The following KCNB2 variants were observed in gnomAD, a reference collection of about 807,000 sequenced individuals.
KCNB2 encodes the protein potassium voltage-gated channel subfamily B member 2, also known as delayed rectifier potassium channel protein.
In KCNB2, 15 loss-of-function variants were observed where a neutral mutation model predicts 61.5. The ratio of observed to expected loss-of-function variants is 0.24; its 90% CI spans 0.16 to 0.38. KCNB2 has a LOEUF of 0.38. Ranked by LOEUF, KCNB2 falls within the 10% of genes least tolerant of loss-of-function variation. The probability of loss-of-function intolerance (pLI) is 1.00; values close to 1 mark genes in which losing one functional copy is unlikely to be tolerated. For synonymous variants in KCNB2, 457 were observed against 446.0 expected (o/e 1.02, Z -0.31); for missense variants, 828 against 1,125.2 (o/e 0.74, Z 3.78).
At chr8:72,603,913 A>T (rs1047303077) in intron 2 of KCNB2, among the ~76,000 whole-genome samples, 5 of 152,146 alleles carry the variant, frequency 3.3e-5, no homozygotes, top group Non-Finnish European at 7.4e-5. Context: ...GAGGAATGCC[A>T]AGTATTGTGG....
intron 2 of KCNB2, among the ~76,000 whole-genome samples, chr8:72,714,233 T>C (rs1807380660): frequency 6.6e-6 from 1 of 152,176 alleles, no homozygotes; most frequent in African/African-American, 2.4e-5. Context: ...TGGAAAACAC[T>C]CTGCAGGATA....
At chr8:72,569,232 G>A (rs989722872) in intron 2 of KCNB2, among the ~76,000 whole-genome samples, 14 of 152,184 alleles carry the variant, frequency 9.2e-5, no homozygotes, top group African/African-American at 2.2e-4. Context: ...CATTTTGTGC[G>A]TAATGGATGA....
At chr8:72,734,052 C>T (rs1005584265) in intron 2 of KCNB2, among the ~76,000 whole-genome samples, 18 of 152,204 alleles carry the variant, frequency 1.2e-4, no homozygotes, top group South Asian at 2.1e-4. Context: ...AGATTGCTTA[C>T]GGAGTATTTA....
intron 2 of KCNB2, among the ~76,000 whole-genome samples, chr8:72,645,703 G>C (rs773291226): frequency 6.6e-6 from 1 of 152,102 alleles, no homozygotes; most frequent in Non-Finnish European, 1.5e-5. Flanking sequence ...ATTATGTTCT[G>C]ATGCTTTTTT....
At position 72,794,942 on chromosome 8, in the gene KCNB2, A is replaced by G. The variant is rs7829078; in HGVS notation, c.580-140993A>G. On this transcript the variant is annotated intron_variant, in intron 2 of 2. Transcript: ENST00000523207. ...TAATAGAGAAGTAACCACTGGAAAA[A>G]AAAAGTTGTGTCTCCATTTTAGGGT... Among the ~76,000 whole-genome samples, 243 of 152,364 alleles carry G rather than the reference A, an allele frequency of 1.6e-3. 1 individual carries two copies. The highest frequency in any genetic ancestry group is 5.5e-3 in the African/African-American group (228 of 41,582).
chr8:72,840,488 C>G (rs928120885), intron 2 of KCNB2, among the ~76,000 whole-genome samples: 3 of 152,204 alleles, frequency 2.0e-5, no homozygotes, highest in Admixed American at 1.3e-4. Flanking sequence ...AGCACACTGT[C>G]TTCCACAATG....
intron 2 of KCNB2, among the ~76,000 whole-genome samples, chr8:72,733,561 A>G (rs537024060): frequency 1.5e-4 from 23 of 152,330 alleles, no homozygotes; most frequent in African/African-American, 4.1e-4. Context: ...AGCAGGGATT[A>G]TAATGACTGT....
At chr8:72,866,774 C>T (rs1337960221) in intron 2 of KCNB2, among the ~76,000 whole-genome samples, 2 of 152,166 alleles carry the variant, frequency 1.3e-5, no homozygotes, top group Non-Finnish European at 2.9e-5. Flanking sequence ...ATTCTCATCT[C>T]ATTTATTTTA....
intron 2 of KCNB2, among the ~76,000 whole-genome samples, chr8:72,754,663 A>G (rs1234068612): frequency 6.6e-6 from 1 of 152,220 alleles, no homozygotes; most frequent in African/African-American, 2.4e-5. Context: ...TCTTGCAGAA[A>G]TACTGTTAAG....
intron 2 of KCNB2, among the ~76,000 whole-genome samples, chr8:72,569,207 G>A (rs1453613380): frequency 6.6e-6 from 1 of 152,328 alleles, no homozygotes; most frequent in African/African-American, 2.4e-5. Context: ...TTTAGCTGCA[G>A]GAGTATAGTA....
intron 2 of KCNB2, among the ~76,000 whole-genome samples, chr8:72,817,297 C>G (rs1196743646): frequency 6.6e-6 from 1 of 152,100 alleles, no homozygotes; most frequent in African/African-American, 2.4e-5. Context: ...CCCTTCTCGC[C>G]GTACACCCCC....
At chr8:72,802,574 A>G (rs1046905007) in intron 2 of KCNB2, among the ~76,000 whole-genome samples, 1 of 152,172 alleles carries the variant, frequency 6.6e-6, no homozygotes, top group East Asian at 1.9e-4. Context: ...GCAATGTGCT[A>G]TGTAACCATT....
intron 2 of KCNB2, chr8:72,875,182 G>A (rs549827909): frequency 6.6e-6 from 1 of 152,362 alleles, no homozygotes; most frequent in East Asian, 1.9e-4. Context: ...AAGGACGTAG[G>A]CTTGGATGAT....
At chr8:72,797,088 G>A (rs1318714521) in intron 2 of KCNB2, among the ~76,000 whole-genome samples, 1 of 152,146 alleles carries the variant, frequency 6.6e-6, no homozygotes, top group Non-Finnish European at 1.5e-5. Flanking sequence ...TATGACATTT[G>A]ATATGATATG....
At chr8:72,800,915 A>G (rs1247376392) in intron 2 of KCNB2, among the ~76,000 whole-genome samples, 1 of 152,216 alleles carries the variant, frequency 6.6e-6, no homozygotes, top group East Asian at 1.9e-4. Flanking sequence ...ATAGGTGCAG[A>G]GTCTTCCTGA....
At chr8:72,678,690 T>C (rs1392391877) in intron 2 of KCNB2, among the ~76,000 whole-genome samples, 1 of 152,220 alleles carries the variant, frequency 6.6e-6, no homozygotes, top group Non-Finnish European at 1.5e-5. Flanking sequence ...ACTGAAAGAT[T>C]TATGACGTCA....
chr8:72,823,104 CA>C (rs1585913306), intron 2 of KCNB2, among the ~76,000 whole-genome samples: 1 of 152,164 alleles, frequency 6.6e-6, no homozygotes, highest in African/African-American at 2.4e-5. Context: ...ATGTTCTGAG[CA>C]GGTCATTTTG....
rs1168802571 is a variant in KCNB2, at chr8:72,920,469, C to CTA, written c.580-15464_580-15463dup. Reference sequence around the variant, plus strand: ...TCTATCTATCTATCTATCTATCTATCTATCTATATATATATATATTAGCTG... The same window carrying CTA: ...TCTATCTATCTATCTATCTATCTATCTATATCTATATATATATATATTAGCTG... On this transcript the variant is annotated intron_variant, in intron 2 of 2. Transcript: ENST00000523207. Among the ~76,000 whole-genome samples, 12 of 71,272 alleles carry CTA rather than the reference C, an allele frequency of 1.7e-4. 1 individual carries two copies. Among genetic ancestry groups the CTA allele is most frequent in the African/African-American group, 4.3e-4 (8 of 18,572 alleles). The allele number at this position is 71,272 out of a possible 152,430, so 46.8% of individuals were successfully genotyped here. A position where few individuals can be genotyped will look rare whatever the true frequency, so the allele number is the denominator to read the frequency against.
chr8:72,923,422 A>G (rs929239383), intron 2 of KCNB2, among the ~76,000 whole-genome samples: 2 of 152,140 alleles, frequency 1.3e-5, no homozygotes, highest in Non-Finnish European at 2.9e-5. Flanking sequence ...AGGGCCTGCT[A>G]TCTGTCATGT....
Sources: gnomAD v4.1 joint callset for allele counts (sites outside exome capture counted in the v4.1 genomes callset) on GRCh38, gnomAD v4.1.1 for gene constraint, MANE v1.5 for transcripts, NCBI Gene and HGNC (gene_info 2026-07-23, HGNC 2026-07-21) for gene names.